The following VGLL4 variants were observed in gnomAD, a reference collection of about 807,000 sequenced individuals.
VGLL4 encodes vestigial like family member 4.
In VGLL4, 7 loss-of-function variants were observed where a neutral mutation model predicts 21.0. That is an observed-to-expected ratio of 0.33 (90% CI 0.19 to 0.63). The LOEUF (loss-of-function observed/expected upper bound fraction) is 0.63, where lower values mean the gene tolerates loss of function less well. Ranked by LOEUF, VGLL4 falls within the 20% of genes least tolerant of loss-of-function variation. VGLL4 has a pLI of 0.78. For missense variants in VGLL4, 394 were observed against 425.7 expected (o/e 0.93, Z 0.66); for synonymous variants, 222 against 173.2 (o/e 1.28, Z -2.21).
intron 2 of VGLL4, among the ~76,000 whole-genome samples, chr3:11,683,126 C>T (rs1268917403): frequency 1.3e-5 from 2 of 152,092 alleles, no homozygotes; most frequent in African/African-American, 4.8e-5. Context: ...ACTCGGGAGG[C>T]TGAGGCAGGA....
Position 11,598,031 on chromosome 3 carries a change from C to CT in VGLL4, c.272+3801dup, listed in dbSNP as rs35133405. ...AGAACTCAGTCTTACTCTCTGTTGC[C>CT]TTTTTTTTTTATAAGACATCATCTC... On this transcript the variant is annotated intron_variant, in intron 2 of 4. Coordinates refer to ENST00000430365, the MANE Select transcript of VGLL4 (RefSeq NM_001128219.3). Among the ~76,000 whole-genome samples, 1,049 of 151,170 alleles carry CT rather than the reference C, an allele frequency of 6.9e-3. 5 individuals are homozygous for CT. The highest frequency in any genetic ancestry group is 0.01 in the Non-Finnish European group (706 of 67,842).
At chr3:11,575,971 C>T (rs546381679) in intron 2 of VGLL4, among the ~76,000 whole-genome samples, 12 of 152,312 alleles carry the variant, frequency 7.9e-5, no homozygotes, top group Admixed American at 1.3e-4. Flanking sequence ...CCTCAGGTCA[C>T]GTTTCTGAAT....
Position 11,568,664 on chromosome 3 carries a change from C to T in VGLL4, c.273-3645G>A, listed in dbSNP as rs575897778. 2.2e-4 allele frequency: 338 copies of T among 1,558,898 alleles called. 1 individual carries two copies. In the South Asian group the frequency reaches 2.3e-3, roughly 11 times the overall value. On this transcript the variant is annotated intron_variant, in intron 2 of 4. Coordinates refer to ENST00000430365, the MANE Select transcript of VGLL4 (RefSeq NM_001128219.3). This position sits in a 1 kb window ranked among gnomAD's most constrained non-coding sequence, Gnocchi z 5.9. The stretch of plus-strand genomic sequence containing the variant: ...AAGACAGACATTGTTTTCCAGGCCC[C>T]GCTCGCCCGGATGAATCACCTCCCG...
intron 2 of VGLL4, among the ~76,000 whole-genome samples, chr3:11,685,697 G>A (rs1208467516): frequency 6.6e-6 from 1 of 152,132 alleles, no homozygotes; most frequent in Non-Finnish European, 1.5e-5. Flanking sequence ...TCTGATGAGA[G>A]TCTAGTAGCC....
chr3:11,696,257 G>C (rs1049691654), intron 2 of VGLL4, among the ~76,000 whole-genome samples: 7 of 152,174 alleles, frequency 4.6e-5, no homozygotes, highest in Non-Finnish European at 7.3e-5. Context: ...CTGATCACAA[G>C]TAAACACAAC....
In VGLL4 at chr3:11,561,899, T is replaced by TC. The variant is rs1165060641; in HGVS notation, c.496-2445_496-2444insG. Among the ~76,000 whole-genome samples, 49 of 146,524 alleles carry TC rather than the reference T, an allele frequency of 3.3e-4. No individual in the cohort carries two copies. The East Asian group carries it at 8.6e-3, about 26-fold the overall frequency. ...AGGCTGGCTGCGCCAAACTTTTTTT[T>TC]TTTTTTTTTTTTTTTTTAAAGACAA... is the stretch of plus-strand genomic sequence containing the variant. On this transcript the variant is annotated intron_variant, in intron 3 of 4. Transcript: ENST00000430365.
At chr3:11,591,759 T>C (rs1037172447) in intron 2 of VGLL4, among the ~76,000 whole-genome samples, 1 of 152,152 alleles carries the variant, frequency 6.6e-6, no homozygotes, top group African/African-American at 2.4e-5. Flanking sequence ...GAAGAGCAGC[T>C]CTGCTTCCAC....
chr3:11,571,166 G>A (rs762447228), intron 2 of VGLL4, among the ~76,000 whole-genome samples: 3 of 152,212 alleles, frequency 2.0e-5, no homozygotes, highest in Admixed American at 6.5e-5. Flanking sequence ...AGATGACCCT[G>A]AGGCTCCTGG....
chr3:11,665,648 T>C, intron 2 of VGLL4, among the ~76,000 whole-genome samples: 1 of 152,216 alleles, frequency 6.6e-6, no homozygotes, highest in East Asian at 1.9e-4. Flanking sequence ...TGACAAAGTC[T>C]CCACAGAACA....
chr3:11,676,938 T>C (rs556322714), intron 2 of VGLL4, among the ~76,000 whole-genome samples: 9 of 152,160 alleles, frequency 5.9e-5, no homozygotes, highest in Non-Finnish European at 1.2e-4. Flanking sequence ...ATTTTTTTGA[T>C]ATAAAAAAAT....
At chr3:11,606,462 G>A (rs924443155) in intron 1 of VGLL4, among the ~76,000 whole-genome samples, 6 of 152,238 alleles carry the variant, frequency 3.9e-5, no homozygotes, top group African/African-American at 1.4e-4. Context: ...GCTGGAACAC[G>A]TGTACGCTGC....
At chr3:11,654,952 A>C (rs2075934114) in intron 2 of VGLL4, among the ~76,000 whole-genome samples, 1 of 152,246 alleles carries the variant, frequency 6.6e-6, no homozygotes, top group Non-Finnish European at 1.5e-5. Context: ...TTCTTTTTGA[A>C]ATGCAAACAA....
intron 1 of VGLL4, among the ~76,000 whole-genome samples, chr3:11,612,419 G>A (rs528197483): frequency 6.6e-6 from 1 of 152,164 alleles, no homozygotes; most frequent in Non-Finnish European, 1.5e-5. Flanking sequence ...GAAAACTCAG[G>A]TATGTAACAC....
At chr3:11,679,038 T>C (rs928591104) in intron 2 of VGLL4, among the ~76,000 whole-genome samples, 1 of 152,232 alleles carries the variant, frequency 6.6e-6, no homozygotes, top group Non-Finnish European at 1.5e-5. Context: ...ACGTGCAGTA[T>C]ATAATAATAA....
chr3:11,570,458 T>C lies in VGLL4; in HGVS notation c.273-5439A>G, dbSNP rs534270901. 5.9e-5 allele frequency among the ~76,000 whole-genome samples: 9 copies of C among 152,238 alleles called. No homozygotes were observed. The South Asian group carries it at 8.3e-4, about 14-fold the overall frequency. On this transcript the variant is annotated intron_variant, in intron 2 of 4. Transcript: ENST00000430365. ...AAGCACAGCTCCCAGGGGACCCCGG[T>C]CCCTGGCTGGACCGTGCACTCCCGG...
chr3:11,614,201 G>A (rs1253814424), intron 1 of VGLL4, among the ~76,000 whole-genome samples: 3 of 152,200 alleles, frequency 2.0e-5, no homozygotes, highest in Non-Finnish European at 1.5e-5. Context: ...ATACTCATCT[G>A]CACTTTCAAA....
intron 1 of VGLL4, among the ~76,000 whole-genome samples, chr3:11,712,974 T>C (rs749209498): frequency 5.3e-4 from 80 of 152,216 alleles, no homozygotes; most frequent in Non-Finnish European, 9.4e-4. Context: ...ACCAGGTCAA[T>C]TGATGCTGAG....
intron 2 of VGLL4, among the ~76,000 whole-genome samples, chr3:11,573,316 G>GAAGAAAGAAAGA (rs1286422799): frequency 4.8e-4 from 10 of 20,750 alleles, no homozygotes; most frequent in Admixed American, 1.2e-3. Flanking sequence ...AGGAAGGAAG[G>GAAGAAAGAAAGA]AAGAAAGAAA....
At chr3:11,559,836 G>C (rs2072810575) in intron 3 of VGLL4, among the ~76,000 whole-genome samples, 1 of 152,164 alleles carries the variant, frequency 6.6e-6, no homozygotes, top group East Asian at 1.9e-4. Flanking sequence ...TTCCCATCAT[G>C]TCCACTGAGC....
Sources: allele counts gnomAD v4.1 joint callset (sites outside exome capture counted in the v4.1 genomes callset), GRCh38; gene constraint gnomAD v4.1.1; non-coding constraint Gnocchi (gnomAD v3.1); transcripts MANE v1.5; gene names NCBI Gene and HGNC (gene_info 2026-07-23, HGNC 2026-07-21).